The following STYK1 variants were observed in gnomAD, a reference collection of about 807,000 sequenced individuals.
The protein encoded by STYK1 is STY kinase 1.
A neutral mutation model predicts 48.1 loss-of-function variants in STYK1; 46 were observed. That is an observed-to-expected ratio of 0.96 (90% CI 0.75 to 1.22). STYK1 has a LOEUF of 1.22. STYK1 is among the 50% of genes most tolerant of loss of function. STYK1 has a pLI of 0.00. For synonymous variants in STYK1, 188 were observed against 189.0 expected, an observed-to-expected ratio of 0.99 and a Z score of 0.04; for missense variants, 527 against 521.1, an observed-to-expected ratio of 1.01 and a Z score of -0.11.
chr12:10,624,576 A>T, intron 8 of STYK1, 75 bp downstream of exon 8: 1 of 1,349,586 alleles, frequency 7.4e-7, no homozygotes, highest in Non-Finnish European at 1.1e-6. Flanking sequence ...AGAATTGGCA[A>T]CAGATCAAAT....
rs73265945 is a variant in STYK1 at position 10,672,682 on chromosome 12, G to C, written c.-195+1284C>G. Among the ~76,000 whole-genome samples, 6,596 of 152,152 alleles carry C rather than the reference G, an allele frequency of 0.043. 375 individuals are homozygous for C. Among genetic ancestry groups the C allele is most frequent in the African/African-American group, 0.13 (5,398 of 41,484 alleles). On this transcript the variant is annotated intron_variant, in intron 1 of 10. Coordinates refer to ENST00000075503, the MANE Select transcript of STYK1 (RefSeq NM_018423.3). This position sits in a 1 kb window ranked among gnomAD's most constrained non-coding sequence, Gnocchi z 4.0. ...GAAACCATCTCCCGCCAACCTCATC[G>C]GCATCTGTGAAAAAAATTGTCTTCC...
chr12:10,637,563 G>A lies in STYK1; in HGVS notation c.-194-367C>T, dbSNP rs376005956. On this transcript the variant is annotated intron_variant, in intron 1 of 10. Coordinates refer to ENST00000075503, the MANE Select transcript of STYK1 (RefSeq NM_018423.3). ...TCACTGTGTTAGCCAGGATGGTCTC[G>A]ATCTCCTGACCTCGTGATCCACCTG... Among the ~76,000 whole-genome samples, 621 of 152,068 alleles carry A rather than the reference G, an allele frequency of 4.1e-3. 4 individuals carry two copies. Among genetic ancestry groups the A allele is most frequent in the African/African-American group, 0.013 (557 of 41,456 alleles).
intron 1 of STYK1, among the ~76,000 whole-genome samples, chr12:10,637,454 C>T (rs991673389): frequency 1.3e-5 from 2 of 151,716 alleles, no homozygotes; most frequent in African/African-American, 4.8e-5. Flanking sequence ...TCTCCTGCCT[C>T]AGCCTCCCAA....
At chr12:10,623,124 T>G (rs1947316134) in intron 8 of STYK1, among the ~76,000 whole-genome samples, 1 of 148,736 alleles carries the variant, frequency 6.7e-6, no homozygotes. Flanking sequence ...TCAGTAGATT[T>G]AATTGCCCAA....
intron 1 of STYK1, among the ~76,000 whole-genome samples, chr12:10,667,719 T>C (rs10845199): frequency 0.35 from 52,558 of 152,082 alleles, 9,382 homozygotes; most frequent in East Asian, 0.53. Flanking sequence ...ATGAGAAAAC[T>C]GATTGAGATG....
At chr12:10,641,330 G>A (rs970754754) in intron 1 of STYK1, among the ~76,000 whole-genome samples, 2 of 152,188 alleles carry the variant, frequency 1.3e-5, no homozygotes, top group Non-Finnish European at 2.9e-5. Context: ...GCATTTCCAA[G>A]GATCAGTCCT....
At chr12:10,629,083 C>T (rs1424939918) in intron 6 of STYK1, among the ~76,000 whole-genome samples, 1 of 152,068 alleles carries the variant, frequency 6.6e-6, no homozygotes, top group African/African-American at 2.4e-5. Flanking sequence ...ATTCAGAAAA[C>T]TCAGGATCAG....
intron 1 of STYK1, among the ~76,000 whole-genome samples, chr12:10,655,586 C>G (rs1010561076): frequency 9.2e-5 from 14 of 152,298 alleles, no homozygotes; most frequent in Middle Eastern, 3.4e-3. Context: ...TCCCCTCCCC[C>G]CATGAACAAC....
At chr12:10,656,780 T>C (rs542325042) in intron 1 of STYK1, among the ~76,000 whole-genome samples, 1 of 152,152 alleles carries the variant, frequency 6.6e-6, no homozygotes, top group Non-Finnish European at 1.5e-5. Context: ...TTGCCACAGA[T>C]CCTGTTTTGG....
intron 1 of STYK1, among the ~76,000 whole-genome samples, chr12:10,656,611 T>G (rs557589704): frequency 6.6e-6 from 1 of 152,014 alleles, no homozygotes; most frequent in East Asian, 1.9e-4. Flanking sequence ...GGCGATAGAG[T>G]GAGACTCCAT....
chr12:10,654,609 T>A (rs554977882), intron 1 of STYK1, among the ~76,000 whole-genome samples: 1 of 152,306 alleles, frequency 6.6e-6, no homozygotes, highest in South Asian at 2.1e-4. Context: ...GAGGTCCAAC[T>A]TAGGAGAGTC....
intron 1 of STYK1, among the ~76,000 whole-genome samples, chr12:10,638,647 A>G (rs1947511474): frequency 6.6e-6 from 1 of 152,236 alleles, no homozygotes; most frequent in African/African-American, 2.4e-5. Context: ...AATAAGTGGC[A>G]TTTCTTTTCA....
chr12:10,625,147 C>T (rs1325533367), intron 7 of STYK1, among the ~76,000 whole-genome samples: 4 of 152,154 alleles, frequency 2.6e-5, no homozygotes, highest in East Asian at 1.9e-4. Flanking sequence ...TTTCGTTTCC[C>T]GTGAGAAAGG....
At chr12:10,662,728 G>GT (rs1947790762) in intron 1 of STYK1, among the ~76,000 whole-genome samples, 1 of 151,872 alleles carries the variant, frequency 6.6e-6, no homozygotes, top group Non-Finnish European at 1.5e-5. Context: ...TTTTTATTGT[G>GT]TAAGTACCCA....
intron 4 of STYK1, 47 bp from the exon 5 acceptor site, chr12:10,631,355 T>C (rs1240859538): frequency 6.3e-7 from 1 of 1,596,312 alleles, no homozygotes; most frequent in Admixed American, 1.7e-5. Context: ...GCCCTGGGGA[T>C]CCCGGAAAGC....
At chr12:10,657,276 G>T (rs536066427) in intron 1 of STYK1, among the ~76,000 whole-genome samples, 19 of 152,290 alleles carry the variant, frequency 1.2e-4, no homozygotes, top group African/African-American at 4.3e-4. Flanking sequence ...CCTGAAGCCA[G>T]TAATTCAATT....
intron 10 of STYK1, 43 bp from the exon 11 acceptor site, chr12:10,620,391 A>G: frequency 6.3e-7 from 1 of 1,579,388 alleles, no homozygotes; most frequent in Non-Finnish European, 8.7e-7. Context: ...GACAAGGCAA[A>G]TGTATGGGGA....
chr12:10,647,000 C>T (rs1050767407), intron 1 of STYK1, among the ~76,000 whole-genome samples: 1 of 152,248 alleles, frequency 6.6e-6, no homozygotes, highest in Non-Finnish European at 1.5e-5. Flanking sequence ...TGCCCAGATG[C>T]CTATGCAAAA....
At chr12:10,644,500 C>T (rs1170531318) in intron 1 of STYK1, among the ~76,000 whole-genome samples, 3 of 152,116 alleles carry the variant, frequency 2.0e-5, no homozygotes, top group African/African-American at 7.2e-5. Context: ...ACTTGTGAAC[C>T]TTTAATCATT....
Sources: allele counts gnomAD v4.1 joint callset (sites outside exome capture counted in the v4.1 genomes callset), GRCh38; gene constraint gnomAD v4.1.1; non-coding constraint Gnocchi (gnomAD v3.1); transcripts MANE v1.5; gene names NCBI Gene and HGNC (gene_info 2026-07-23, HGNC 2026-07-21).